TARP: variants seen among roughly 807,000 people sequenced by gnomAD.
the TARP span, among the ~76,000 whole-genome samples, chr7:38,263,246 G>A: frequency 6.6e-6 from 1 of 151,974 alleles, no homozygotes; most frequent in African/African-American, 2.4e-5. Context: ...TAACACTGAA[G>A]TGAGTTGTAT....
chr7:38,272,737 G>T, the TARP span, among the ~76,000 whole-genome samples: 7 of 150,042 alleles, frequency 4.7e-5, no homozygotes, highest in Non-Finnish European at 7.4e-5. Context: ...CAGGAGTCGA[G>T]AAACAAAGTC....
chr7:38,261,576 C>G, the TARP span, among the ~76,000 whole-genome samples: 1 of 151,272 alleles, frequency 6.6e-6, no homozygotes, highest in Non-Finnish European at 1.5e-5. Context: ...AGTCATTAAA[C>G]AAAAGACAGG....
chr7:38,270,025 C>T, the TARP span, among the ~76,000 whole-genome samples: 1 of 151,902 alleles, frequency 6.6e-6, no homozygotes, highest in Non-Finnish European at 1.5e-5. Flanking sequence ...TCACTTGAGC[C>T]TAGGAGTTCG....
At chr7:38,264,033 G>A in the TARP span, among the ~76,000 whole-genome samples, 2 of 151,830 alleles carry the variant, frequency 1.3e-5, no homozygotes, top group African/African-American at 4.8e-5. Context: ...AAAGAATAAA[G>A]TAACTGTTCC....
chr7:38,264,448 A>G, the TARP span, among the ~76,000 whole-genome samples: 1 of 151,388 alleles, frequency 6.6e-6, no homozygotes, highest in Non-Finnish European at 1.5e-5. Flanking sequence ...AAAATTAGCC[A>G]GGTGTGGTGG....
At chr7:38,266,917 C>T in the TARP span, among the ~76,000 whole-genome samples, 2 of 151,772 alleles carry the variant, frequency 1.3e-5, no homozygotes, top group African/African-American at 2.4e-5. Context: ...TTGTGTTAAT[C>T]TTCTGCAGTA....
the TARP span, chr7:38,273,531 C>G: frequency 7.3e-7 from 1 of 1,371,968 alleles, no homozygotes. Context: ...TGAGCCAGCT[C>G]CTGCCTGCCA....
the TARP span, among the ~76,000 whole-genome samples, chr7:38,273,024 A>G: frequency 0.12 from 17,398 of 150,802 alleles, 1,318 homozygotes; most frequent in African/African-American, 0.22. Flanking sequence ...TATCTTTATG[A>G]GATGTTTTCT....
chr7:38,268,156 T>C, the TARP span, among the ~76,000 whole-genome samples: 1 of 151,608 alleles, frequency 6.6e-6, no homozygotes. Context: ...CCAAGTATGG[T>C]ACATTTTTAC....
the TARP span, chr7:38,260,106 GC>G: frequency 6.3e-7 from 1 of 1,585,508 alleles, no homozygotes; most frequent in East Asian, 2.3e-5. Flanking sequence ...TCTCTCCATT[GC>G]AGCAGAAAGC....
At chr7:38,262,353 T>G in the TARP span, 1 of 700,568 alleles carries the variant, frequency 1.4e-6, no homozygotes, top group South Asian at 1.8e-5. Flanking sequence ...CAGAAACAAT[T>G]GGTCTAATTC....
At chr7:38,271,006 C>T in the TARP span, among the ~76,000 whole-genome samples, 2 of 149,816 alleles carry the variant, frequency 1.3e-5, no homozygotes, top group Non-Finnish European at 3.0e-5. Context: ...CCTTTTTCTC[C>T]TTCTTTTGAG....
chr7:38,262,564 A>G, the TARP span, among the ~76,000 whole-genome samples: 1 of 151,942 alleles, frequency 6.6e-6, no homozygotes, highest in African/African-American at 2.4e-5. Context: ...CAATGGAAAA[A>G]TAAACTGAAC....
the TARP span, chr7:38,262,187 A>G: frequency 1.2e-6 from 2 of 1,612,754 alleles, no homozygotes; most frequent in Non-Finnish European, 1.7e-6. Flanking sequence ...CATCTTTTGA[A>G]CAATTGTCTT....
the TARP span, among the ~76,000 whole-genome samples, chr7:38,270,241 A>T: frequency 1.2e-4 from 19 of 152,004 alleles, no homozygotes; most frequent in Admixed American, 1.2e-3. Context: ...TACTAAAAAA[A>T]ATTCAGCATT....
chr7:38,269,257 A>G, the TARP span, among the ~76,000 whole-genome samples: 444 of 151,966 alleles, frequency 2.9e-3, no homozygotes, highest in African/African-American at 0.01. Context: ...ATTACATATG[A>G]GCCCTTTATG....
the TARP span, among the ~76,000 whole-genome samples, chr7:38,272,137 T>C: frequency 1.3e-5 from 2 of 151,240 alleles, no homozygotes; most frequent in African/African-American, 2.4e-5. Context: ...ATAGAAAGCA[T>C]TTTACAAATA....
the TARP span, among the ~76,000 whole-genome samples, chr7:38,266,052 T>C: frequency 0.25 from 36,598 of 145,968 alleles, 4,634 homozygotes; most frequent in East Asian, 0.33. Context: ...TGTTTCATCA[T>C]AGTGAAGCAG....
the TARP span, among the ~76,000 whole-genome samples, chr7:38,262,819 G>A: frequency 6.6e-6 from 1 of 150,890 alleles, no homozygotes; most frequent in South Asian, 2.1e-4. Context: ...CACTCACTCC[G>A]AGCTAATGTT....
Sources: allele counts gnomAD v4.1 joint callset (sites outside exome capture counted in the v4.1 genomes callset), GRCh38; gene constraint gnomAD v4.1.1; transcripts MANE v1.5.